Variants in DENND4C observed in about 807,000 individuals in gnomAD.
DENND4C encodes the protein DENN domain containing 4C.
In DENND4C, 108 loss-of-function variants were observed where a neutral mutation model predicts 203.0. The observed-to-expected ratio is 0.53, with a 90% confidence interval of 0.46 to 0.62. The LOEUF is 0.62. Ranked by LOEUF, DENND4C falls within the 20% of genes least tolerant of loss-of-function variation. DENND4C has a pLI of 0.00. For missense variants in DENND4C, 2,481 were observed against 2,301.2 expected (o/e 1.08, Z -1.60); for synonymous variants, 871 against 792.4 (o/e 1.10, Z -1.67).
At chr9:19,343,791 G>T (rs1356275160) in intron 22 of DENND4C, among the ~76,000 whole-genome samples, 1 of 152,222 alleles carries the variant, frequency 6.6e-6, no homozygotes, top group Non-Finnish European at 1.5e-5. Flanking sequence ...GTGGACTGTT[G>T]TGTTTCCTTC....
intron 12 of DENND4C, 151 bp downstream of exon 12, chr9:19,316,990 C>G (rs1317433540): frequency 1.8e-5 from 13 of 705,414 alleles, no homozygotes; most frequent in Non-Finnish European, 2.5e-5. Context: ...AGCTTTATGA[C>G]TAGAATTTCT....
chr9:19,239,729 G>A (rs958698812), intron 1 of DENND4C, among the ~76,000 whole-genome samples: 6 of 152,066 alleles, frequency 3.9e-5, no homozygotes, highest in South Asian at 2.1e-4. Flanking sequence ...TGAGGTGTAC[G>A]CCTGCCTTGG....
rs1563843394 is a variant in DENND4C at position 19,362,536 on chromosome 9, GT to G, written c.5524+575del. Among the ~76,000 whole-genome samples the G allele has an allele frequency of 6.6e-5, 9 of 136,924 alleles. No individual in the cohort carries two copies. The South Asian group carries it at 2.0e-3, about 30-fold the overall frequency. The allele number at this position is 136,924 out of a possible 152,430, so 89.8% of individuals were successfully genotyped here. Reference sequence around the variant, plus strand: ...TTTAATTAATTCAAAGTGATTTGCTGTTAAAAAAAAAAGTACACACACACAC... The same window carrying G: ...TTTAATTAATTCAAAGTGATTTGCTGTAAAAAAAAAAGTACACACACACAC... On this transcript the variant is annotated intron_variant, in intron 30 of 32. Transcript: ENST00000434457.
At chr9:19,277,565 C>T (rs1004383725) in intron 2 of DENND4C, among the ~76,000 whole-genome samples, 3 of 151,752 alleles carry the variant, frequency 2.0e-5, no homozygotes, top group Non-Finnish European at 4.4e-5. Flanking sequence ...GTGGGTTCTT[C>T]GGGATTTTTT....
At chr9:19,304,011 T>TTA (rs1839129361) in intron 9 of DENND4C, among the ~76,000 whole-genome samples, 1 of 150,840 alleles carries the variant, frequency 6.6e-6, no homozygotes, top group African/African-American at 2.4e-5. Context: ...TTAACATGTT[T>TTA]TAGTCTTTTT....
rs963690764 is a variant in DENND4C at position 19,373,582 on chromosome 9, A to C, written c.*1409A>C. ...TAGGTTGAATCAATTAAGTCTTAAAACTGTAAATTTATTAAGCTTGTTGCC... is the reference window on the plus strand; with the variant it reads ...TAGGTTGAATCAATTAAGTCTTAAACCTGTAAATTTATTAAGCTTGTTGCC... On this transcript the variant is annotated 3_prime_UTR_variant, in exon 33 of 33. Transcript: ENST00000434457. 2 of 152,598 alleles carry C rather than the reference A, an allele frequency of 1.3e-5. No homozygotes were observed. Among genetic ancestry groups the C allele is most frequent in the African/African-American group, 4.8e-5 (2 of 41,428 alleles). 9.5% of individuals were successfully genotyped at this position (152,598 alleles called of 1,614,324 possible). A position where few individuals can be genotyped will look rare whatever the true frequency, so the allele number is the denominator to read the frequency against.
At chr9:19,262,412 TG>T (rs1472003092) in intron 1 of DENND4C, among the ~76,000 whole-genome samples, 3 of 150,806 alleles carry the variant, frequency 2.0e-5, no homozygotes, top group Non-Finnish European at 3.0e-5. Context: ...TCATAGTTTT[TG>T]GTGGAGTCTT....
intron 1 of DENND4C, among the ~76,000 whole-genome samples, chr9:19,232,213 A>G (rs1178331122): frequency 1.3e-5 from 2 of 151,534 alleles, no homozygotes; most frequent in South Asian, 2.1e-4. Context: ...ATGAAGTTAG[A>G]TTTGTATTCA....
chr9:19,265,876 C>A (rs1210826282), intron 1 of DENND4C, among the ~76,000 whole-genome samples: 1 of 152,086 alleles, frequency 6.6e-6, no homozygotes, highest in Non-Finnish European at 1.5e-5. Flanking sequence ...GGGTTGGTTC[C>A]AAGTCTTTAC....
intron 3 of DENND4C, among the ~76,000 whole-genome samples, chr9:19,287,764 G>T (rs906500519): frequency 6.6e-6 from 1 of 151,342 alleles, no homozygotes; most frequent in Non-Finnish European, 1.5e-5. Context: ...ACGGAGTCTC[G>T]CTCTGTCGCC....
At chr9:19,279,842 GA>G (rs914021310) in intron 2 of DENND4C, among the ~76,000 whole-genome samples, 4 of 151,308 alleles carry the variant, frequency 2.6e-5, no homozygotes, top group Middle Eastern at 3.2e-3. Context: ...TGCCTCAGAA[GA>G]AAAAAAAATC....
intron 2 of DENND4C, among the ~76,000 whole-genome samples, chr9:19,283,162 G>A (rs1834466231): frequency 9.4e-6 from 1 of 105,870 alleles, no homozygotes; most frequent in South Asian, 3.9e-4. Flanking sequence ...ACTGTGCCTG[G>A]ATTTTTTTTT....
rs1563849502 is a variant in DENND4C, at chr9:19,369,165, TAAAAAAGA to T, written c.5525-664_5525-657del. Among the ~76,000 whole-genome samples, 3 of 152,040 alleles carry T rather than the reference TAAAAAAGA, an allele frequency of 2.0e-5. No homozygotes were observed. In the East Asian group the frequency reaches 5.8e-4, roughly 30 times the overall value. ...TCCAAAAATTAAGTAAATACATTTT[TAAAAAAGA>T]AAAAAAGTTATGTACTAGACAGTCT... On this transcript the variant is annotated intron_variant, in intron 30 of 32. Transcript: ENST00000434457.
chr9:19,253,742 C>G (rs1750439238), intron 1 of DENND4C, among the ~76,000 whole-genome samples: 1 of 151,956 alleles, frequency 6.6e-6, no homozygotes, highest in Non-Finnish European at 1.5e-5. Context: ...TTTTTTGAGA[C>G]AAGGTCTCAC....
intron 12 of DENND4C, among the ~76,000 whole-genome samples, chr9:19,318,978 G>C (rs565902196): frequency 6.6e-6 from 1 of 152,054 alleles, no homozygotes; most frequent in South Asian, 2.1e-4. Context: ...AGACCAGTCT[G>C]GCCAACATGG....
At position 19,346,260 on chromosome 9, in the gene DENND4C, C is replaced by T; in HGVS notation, c.3491C>T (p.Ser1164Phe). Residue 1164 changes from serine to phenylalanine, a missense_variant, in exon 23 of 33, where the codon TCT becomes TTT. Physicochemically the swap from Ser to Phe is radical, Grantham distance 155 (BLOSUM62 -2). Transcript: ENST00000434457. ...CHLPDSRTCM[S>F]ESTWNPEHRS... ...CTACCTGATAGTAGGACTTGTATGT[C>T]TGAAAGCACTTGGAATCCTGAGCAC... 6.2e-7 allele frequency: 1 copy of T among 1,614,148 alleles called. No individual in the cohort carries two copies. The highest frequency in any genetic ancestry group is 8.5e-7 in the Non-Finnish European group (1 of 1,180,022).
chr9:19,263,915 C>T (rs942152686), intron 1 of DENND4C, among the ~76,000 whole-genome samples: 3 of 152,082 alleles, frequency 2.0e-5, no homozygotes, highest in Non-Finnish European at 2.9e-5. Flanking sequence ...CCGCCTTGGC[C>T]TCCCAAAGTG....
chr9:19,237,067 C>T (rs1822145242), intron 1 of DENND4C, among the ~76,000 whole-genome samples: 1 of 152,150 alleles, frequency 6.6e-6, no homozygotes, highest in African/African-American at 2.4e-5. Flanking sequence ...GTTGCCCGGG[C>T]TGGAGTGCAA....
intron 24 of DENND4C, 152 bp downstream of exon 24, chr9:19,351,031 G>C: frequency 1.4e-6 from 1 of 728,198 alleles, no homozygotes; most frequent in Non-Finnish European, 2.1e-6. Flanking sequence ...CCAAAGTGCT[G>C]GGATTACAAG....
Sources: gnomAD v4.1 joint callset for allele counts (sites outside exome capture counted in the v4.1 genomes callset) on GRCh38, gnomAD v4.1.1 for gene constraint, MANE v1.5 for transcripts, NCBI Gene and HGNC (gene_info 2026-07-23, HGNC 2026-07-21) for gene names.